Variants in IQCJ observed in about 807,000 individuals in gnomAD.
IQCJ encodes IQ motif containing J.
Under a neutral mutation model 11.0 loss-of-function variants are expected in IQCJ, and 9 were observed. That is an observed-to-expected ratio of 0.82 (90% CI 0.49 to 1.43). The LOEUF is 1.43. Among genes scored for constraint, IQCJ ranks in the 40% most tolerant of loss-of-function variants. The pLI, the probability that IQCJ is intolerant of heterozygous loss-of-function variation, is 0.00. For synonymous variants in IQCJ, 55 were observed against 51.3 expected, an observed-to-expected ratio of 1.07 and a Z score of -0.31; for missense variants, 146 against 133.2, an observed-to-expected ratio of 1.10 and a Z score of -0.47.
chr3:159,083,035 A>G (rs1332480285), intron 1 of IQCJ, among the ~76,000 whole-genome samples: 1 of 152,154 alleles, frequency 6.6e-6, no homozygotes, highest in African/African-American at 2.4e-5. Flanking sequence ...AAAAATTTTG[A>G]AACCTCGGAT....
intron 1 of IQCJ, among the ~76,000 whole-genome samples, chr3:159,166,925 A>G (rs1004918482): frequency 5.5e-4 from 84 of 152,168 alleles, no homozygotes; most frequent in Non-Finnish European, 1.0e-4. Flanking sequence ...CATGTGTCTA[A>G]TGCATCTGCA....
At chr3:159,244,708 C>T (rs771541850) in intron 1 of IQCJ, among the ~76,000 whole-genome samples, 8 of 152,040 alleles carry the variant, frequency 5.3e-5, no homozygotes, top group Non-Finnish European at 1.0e-4. Context: ...GGTGATTAGG[C>T]CACATTCTGG....
chr3:159,160,819 G>T (rs1158943495), intron 1 of IQCJ, among the ~76,000 whole-genome samples: 1 of 151,892 alleles, frequency 6.6e-6, no homozygotes, highest in Non-Finnish European at 1.5e-5. Flanking sequence ...TACTGAGAAT[G>T]ATGATTTCCA....
intron 1 of IQCJ, among the ~76,000 whole-genome samples, chr3:159,173,267 A>G (rs1193033194): frequency 6.6e-6 from 1 of 152,152 alleles, no homozygotes; most frequent in Non-Finnish European, 1.5e-5. Flanking sequence ...TCATTGTACC[A>G]ATCATTTTTA....
At chr3:159,232,663 A>G (rs983337096) in intron 1 of IQCJ, among the ~76,000 whole-genome samples, 12 of 151,994 alleles carry the variant, frequency 7.9e-5, no homozygotes, top group African/African-American at 2.4e-4. Flanking sequence ...ATTTTAGAGT[A>G]AGTGCTATGT....
intron 1 of IQCJ, among the ~76,000 whole-genome samples, chr3:159,087,603 A>G (rs918900377): frequency 2.0e-5 from 3 of 147,070 alleles, no homozygotes; most frequent in Non-Finnish European, 3.0e-5. Context: ...AGATCCTGTT[A>G]TTGGTCTATT....
chr3:159,163,629 T>G (rs1722003799), intron 1 of IQCJ, among the ~76,000 whole-genome samples: 1 of 152,192 alleles, frequency 6.6e-6, no homozygotes, highest in Non-Finnish European at 1.5e-5. Context: ...CCTCCCAAAG[T>G]GCTGGGATTA....
At chr3:159,104,553 T>C (rs185092480) in intron 1 of IQCJ, among the ~76,000 whole-genome samples, 1 of 152,368 alleles carries the variant, frequency 6.6e-6, no homozygotes, top group East Asian at 1.9e-4. Flanking sequence ...CTTCTACTAC[T>C]GCATAGTTGC....
intron 1 of IQCJ, among the ~76,000 whole-genome samples, chr3:159,140,162 C>T (rs566319155): frequency 1.3e-5 from 2 of 152,298 alleles, no homozygotes; most frequent in East Asian, 3.9e-4. Flanking sequence ...CATTAGCACA[C>T]AAAGTCCATA....
chr3:159,081,156 T>C (rs1455054707), intron 1 of IQCJ, among the ~76,000 whole-genome samples: 1 of 152,114 alleles, frequency 6.6e-6, no homozygotes, highest in Non-Finnish European at 1.5e-5. Context: ...GTCTTGTAGG[T>C]GTCTTTTATT....
chr3:159,199,443 G>A (rs1023168600), intron 1 of IQCJ, among the ~76,000 whole-genome samples: 32 of 152,278 alleles, frequency 2.1e-4, no homozygotes, highest in African/African-American at 7.0e-4. Flanking sequence ...AAACAGAGAC[G>A]CTTAATACCT....
chr3:159,133,842 G>T (rs1559997898), intron 1 of IQCJ, among the ~76,000 whole-genome samples: 1 of 152,010 alleles, frequency 6.6e-6, no homozygotes, highest in Non-Finnish European at 1.5e-5. Flanking sequence ...ATACTTAGCA[G>T]CTTTAAACAA....
intron 1 of IQCJ, among the ~76,000 whole-genome samples, chr3:159,080,991 C>T (rs577410942): frequency 8.5e-5 from 13 of 152,196 alleles, no homozygotes; most frequent in African/African-American, 3.1e-4. Flanking sequence ...AGGCCAGAAA[C>T]AGAAAATCTG....
chr3:159,182,462 C>A (rs538869348), intron 1 of IQCJ, among the ~76,000 whole-genome samples: 1 of 151,940 alleles, frequency 6.6e-6, no homozygotes, highest in Non-Finnish European at 1.5e-5. Flanking sequence ...CAGGACAAGC[C>A]GCAGACAAAA....
chr3:159,223,049 GA>G (rs1259596599), intron 1 of IQCJ, among the ~76,000 whole-genome samples: 1 of 151,932 alleles, frequency 6.6e-6, no homozygotes, highest in Non-Finnish European at 1.5e-5. Flanking sequence ...ACTACTCAAG[GA>G]AAAAACATGT....
intron 1 of IQCJ, among the ~76,000 whole-genome samples, chr3:159,179,611 T>C (rs1401613134): frequency 2.6e-5 from 4 of 152,214 alleles, no homozygotes; most frequent in Non-Finnish European, 5.9e-5. Context: ...CTATCATAGA[T>C]GTGGGGAAAA....
At chr3:159,086,911 C>A (rs1716820082) in intron 1 of IQCJ, among the ~76,000 whole-genome samples, 1 of 152,204 alleles carries the variant, frequency 6.6e-6, no homozygotes, top group Admixed American at 6.5e-5. Flanking sequence ...CCCTTTATTT[C>A]CTTCTCCTGC....
In IQCJ at chr3:159,263,154, G is replaced by C. The variant is rs1728317892; in HGVS notation, c.*423G>C. 1 of 803,118 alleles carries C rather than the reference G, an allele frequency of 1.2e-6. No homozygotes were observed. The highest frequency in any genetic ancestry group is 5.6e-5 in the South Asian group (1 of 17,930). 49.7% of individuals were successfully genotyped at this position (803,118 alleles called of 1,614,324 possible). A position where few individuals can be genotyped will look rare whatever the true frequency, so the allele number is the denominator to read the frequency against. ...CCAGGTAAGTCACCCTCATGACTGA[G>C]GTGGCTGAGCTGTGCCCCTGGCTAC... On this transcript the variant is annotated 3_prime_UTR_variant, in exon 4 of 4. Transcript: ENST00000397832.
At chr3:159,108,680 A>G in intron 1 of IQCJ, among the ~76,000 whole-genome samples, 1 of 152,234 alleles carries the variant, frequency 6.6e-6, no homozygotes, top group Admixed American at 6.5e-5. Context: ...CTCTGCAGCA[A>G]TAATTTATTG....
Sources: gnomAD v4.1 joint callset for allele counts (sites outside exome capture counted in the v4.1 genomes callset) on GRCh38, gnomAD v4.1.1 for gene constraint, MANE v1.5 for transcripts, NCBI Gene and HGNC (gene_info 2026-07-23, HGNC 2026-07-21) for gene names.